VRK2: variants seen among roughly 807,000 people sequenced by gnomAD.
The protein encoded by VRK2 is serine/threonine-protein kinase VRK2.
A neutral mutation model predicts 57.6 loss-of-function variants in VRK2; 60 were observed. That is an observed-to-expected ratio of 1.04 (90% confidence interval 0.85 to 1.29). The LOEUF (loss-of-function observed/expected upper bound fraction) is 1.29, where lower values mean the gene tolerates loss of function less well. Ranked by LOEUF, VRK2 falls within the 50% of genes most tolerant of loss-of-function variation. The pLI, the probability that VRK2 is intolerant of heterozygous loss-of-function variation, is 0.00. For missense variants in VRK2, 705 were observed against 588.1 expected, an observed-to-expected ratio of 1.20 and a Z score of -2.06; for synonymous variants, 231 against 199.2, an observed-to-expected ratio of 1.16 and a Z score of -1.35.
Position 58,089,647 on chromosome 2 carries a change from A to G in VRK2, c.467A>G (p.Tyr156Cys). The stretch of plus-strand genomic sequence containing the variant: ...TTTTCACAGTTGGATGTACTGGAAT[A>G]TATACATGAAAATGAATATGTTCAT... The part of the protein sequence containing the change: ...LGIRMLDVLE[Y>C]IHENEYVHGD... The change falls in exon 7 of 13, where the codon TAT (tyrosine) becomes TGT (cysteine). Residue 156 changes from tyrosine (Y) to cysteine (C), a missense_variant. By Grantham distance (194) the Tyr-to-Cys change is radical. Transcript: ENST00000340157. The G allele has an allele frequency of 1.9e-6, 3 of 1,601,994 alleles. No individual in the cohort carries two copies. Among genetic ancestry groups the G allele is most frequent in the Non-Finnish European group, 2.6e-6 (3 of 1,172,454 alleles).
intron 1 of VRK2, among the ~76,000 whole-genome samples, chr2:57,932,442 A>G (rs1235476488): frequency 3.9e-5 from 6 of 152,144 alleles, no homozygotes; most frequent in African/African-American, 1.4e-4. Flanking sequence ...ATCTTTTTAA[A>G]GGAATTTATC....
chr2:57,918,188 C>G (rs575191762), intron 1 of VRK2, among the ~76,000 whole-genome samples: 7 of 152,190 alleles, frequency 4.6e-5, no homozygotes, highest in South Asian at 4.1e-4. Flanking sequence ...GTATGTTAAG[C>G]ATGTAATTCC....
chr2:58,032,794 G>A (rs1250864634), intron 2 of VRK2, among the ~76,000 whole-genome samples: 2 of 152,098 alleles, frequency 1.3e-5, no homozygotes, highest in Non-Finnish European at 2.9e-5. Flanking sequence ...TAATGTGCAA[G>A]TGGGACATGC....
At chr2:57,920,726 G>C (rs1670313776) in intron 1 of VRK2, among the ~76,000 whole-genome samples, 1 of 151,950 alleles carries the variant, frequency 6.6e-6, no homozygotes, top group Non-Finnish European at 1.5e-5. Flanking sequence ...AATACACAAA[G>C]GAAAACACCT....
intron 7 of VRK2, among the ~76,000 whole-genome samples, chr2:58,105,110 A>G (rs1674548526): frequency 6.6e-6 from 1 of 151,950 alleles, no homozygotes; most frequent in Non-Finnish European, 1.5e-5. Context: ...AAAAAATACT[A>G]GAAGTAAAAC....
intron 7 of VRK2, among the ~76,000 whole-genome samples, chr2:58,095,293 CAAAA>C (rs1231159019): frequency 3.0e-5 from 2 of 66,616 alleles, no homozygotes; most frequent in Non-Finnish European, 6.3e-5. Flanking sequence ...GACTCCGTCT[CAAAA>C]AAAAAAAAAA....
At chr2:57,927,744 A>G in intron 1 of VRK2, among the ~76,000 whole-genome samples, 1 of 152,144 alleles carries the variant, frequency 6.6e-6, no homozygotes. Context: ...GAAATCCCTC[A>G]GCTTTTTTGG....
At chr2:57,977,248 T>G (rs1490983657) in intron 1 of VRK2, among the ~76,000 whole-genome samples, 1 of 152,188 alleles carries the variant, frequency 6.6e-6, no homozygotes, top group East Asian at 1.9e-4. Flanking sequence ...CTTCTAATTC[T>G]GTGAAAAATA....
rs1679815044 is a variant in VRK2, at chr2:58,135,039, C to T, written c.798-102C>T. ...ACAAAAAAAAAAGCATTGAAAGTCA[C>T]AATTTTGGTGACCTACCAACACATA... is the stretch of plus-strand genomic sequence containing the variant. On this transcript the variant is annotated intron_variant, in intron 9 of 12. Transcript: ENST00000340157. The T allele has an allele frequency of 8.0e-6, 10 of 1,244,332 alleles. No homozygotes were observed. The South Asian group carries it at 1.2e-4, about 16-fold the overall frequency. 77.1% of individuals were successfully genotyped at this position (1,244,332 alleles called of 1,614,324 possible).
chr2:58,111,809 A>G (rs967567622), intron 7 of VRK2, among the ~76,000 whole-genome samples: 2 of 152,096 alleles, frequency 1.3e-5, no homozygotes, highest in Non-Finnish European at 2.9e-5. Flanking sequence ...GGTAATATAT[A>G]AAAAACTTTG....
intron 1 of VRK2, among the ~76,000 whole-genome samples, chr2:58,005,539 A>T (rs1271806360): frequency 6.6e-6 from 1 of 152,146 alleles, no homozygotes; most frequent in East Asian, 1.9e-4. Context: ...AGTAAAAAAT[A>T]AATGAGGCCT....
chr2:57,994,355 G>T lies in VRK2; in HGVS notation c.-438-31310G>T, dbSNP rs549116598. ...TTTAAAGAGATAGGGACATCCATCA[G>T]TGTCAATAATCTGGTAAATTTAATG... On this transcript the variant is annotated intron_variant, in intron 1 of 15. Transcript: ENST00000417641. Among the ~76,000 whole-genome samples, 122 of 152,264 alleles carry T rather than the reference G, an allele frequency of 8.0e-4. 1 individual carries two copies. The highest frequency in any genetic ancestry group is 2.8e-3 in the African/African-American group (115 of 41,560).
intron 1 of VRK2, among the ~76,000 whole-genome samples, chr2:58,016,514 G>C (rs185134673): frequency 2.0e-5 from 3 of 151,716 alleles, no homozygotes; most frequent in Non-Finnish European, 2.9e-5. Flanking sequence ...CACCATACCC[G>C]GCTAAGTTTT....
chr2:58,056,576 A>G (rs941170845), intron 2 of VRK2, among the ~76,000 whole-genome samples: 1 of 150,008 alleles, frequency 6.7e-6, no homozygotes, highest in Non-Finnish European at 1.5e-5. Flanking sequence ...CTGCTTAGGT[A>G]GTGTGGCTAT....
intron 7 of VRK2, among the ~76,000 whole-genome samples, chr2:58,092,453 A>G (rs1672511653): frequency 6.6e-6 from 1 of 152,220 alleles, no homozygotes; most frequent in Non-Finnish European, 1.5e-5. Context: ...TTTGACAGTT[A>G]TAAATAAAGT....
chr2:58,014,691 A>G (rs1673521599), intron 1 of VRK2, among the ~76,000 whole-genome samples: 1 of 152,250 alleles, frequency 6.6e-6, no homozygotes. Context: ...AAAGATGAAT[A>G]CGGCATGATT....
At chr2:58,114,778 G>A (rs1676164896) in intron 7 of VRK2, among the ~76,000 whole-genome samples, 1 of 152,134 alleles carries the variant, frequency 6.6e-6, no homozygotes, top group Non-Finnish European at 1.5e-5. Flanking sequence ...AGGTGGGAAG[G>A]CTAAACTGAG....
intron 7 of VRK2, among the ~76,000 whole-genome samples, chr2:58,103,803 C>T (rs779378810): frequency 1.3e-5 from 2 of 151,616 alleles, no homozygotes; most frequent in Non-Finnish European, 3.0e-5. Context: ...AAAAAGAAAA[C>T]GTTGGATCAA....
chr2:58,119,343 CAA>C (rs75250405), intron 7 of VRK2, among the ~76,000 whole-genome samples: 13 of 109,164 alleles, frequency 1.2e-4, no homozygotes, highest in African/African-American at 1.9e-4. Flanking sequence ...ACTAAAAATA[CAA>C]AAAAAAAAAA....
Sources: gnomAD v4.1 joint callset for allele counts (sites outside exome capture counted in the v4.1 genomes callset) on GRCh38, gnomAD v4.1.1 for gene constraint, MANE v1.5 for transcripts, NCBI Gene and HGNC (gene_info 2026-07-23, HGNC 2026-07-21) for gene names.